The following TENM2 variants were observed in gnomAD, a reference collection of about 807,000 sequenced individuals.
TENM2 encodes teneurin transmembrane protein 2, also known as teneurin-2.
TENM2 carries 52 observed loss-of-function variants against 245.2 expected under a neutral mutation model. That is an observed-to-expected ratio of 0.21 (90% CI 0.17 to 0.27). The LOEUF (loss-of-function observed/expected upper bound fraction) is 0.27, where lower values mean the gene tolerates loss of function less well. TENM2 is among the 10% of genes least tolerant of loss of function. The probability of loss-of-function intolerance (pLI) is 1.00; values close to 1 mark genes in which losing one functional copy is unlikely to be tolerated. For synonymous variants in TENM2, 1,363 were observed against 1,438.9 expected, an observed-to-expected ratio of 0.95 and a Z score of 1.19; for missense variants, 3,046 against 3,666.8, an observed-to-expected ratio of 0.83 and a Z score of 4.37.
At chr5:168,211,245 G>A (rs556692992) in intron 19 of TENM2, among the ~76,000 whole-genome samples, 2 of 152,302 alleles carry the variant, frequency 1.3e-5, no homozygotes, top group South Asian at 4.1e-4. Context: ...ACCCTGAAAT[G>A]CACCAATGGC....
chr5:168,139,876 G>T (rs759912161), intron 12 of TENM2, among the ~76,000 whole-genome samples: 3 of 152,184 alleles, frequency 2.0e-5, no homozygotes, highest in Non-Finnish European at 4.4e-5. Context: ...TTCAGTAGAG[G>T]CCAGATATTT....
the TENM2 span, among the ~76,000 whole-genome samples, chr5:167,143,204 C>A: frequency 2.0e-5 from 3 of 152,270 alleles, no homozygotes; most frequent in Admixed American, 6.5e-5. Context: ...TTACTGATGA[C>A]CACAATGAGG....
the TENM2 span, among the ~76,000 whole-genome samples, chr5:167,264,391 G>A: frequency 6.6e-6 from 1 of 152,270 alleles, no homozygotes; most frequent in African/African-American, 2.4e-5. Flanking sequence ...AAATCCTGAT[G>A]TGTTAGACAA....
chr5:167,631,008 T>C (rs1165665133), intron 2 of TENM2, among the ~76,000 whole-genome samples: 1 of 152,214 alleles, frequency 6.6e-6, no homozygotes, highest in African/African-American at 2.4e-5. Context: ...TTGTTATATA[T>C]ATCCATTCAT....
Position 167,782,111 on chromosome 5 carries a change from C to T in TENM2, c.503-93875C>T, listed in dbSNP as rs566290363. ...GGTGAATCACCTGAGGTTGGGAGTT[C>T]GAGACCAGCCTGACCAACATGGAGA... On this transcript the variant is annotated intron_variant, in intron 2 of 28. Transcript: ENST00000518659. Among the ~76,000 whole-genome samples the T allele has an allele frequency of 7.4e-4, 113 of 151,810 alleles. No individual in the cohort carries two copies. In the Middle Eastern group the frequency reaches 0.01, roughly 14 times the overall value.
At chr5:168,254,699 G>GGA (rs1767487212) in intron 27 of TENM2, among the ~76,000 whole-genome samples, 1 of 152,070 alleles carries the variant, frequency 6.6e-6, no homozygotes, top group African/African-American at 2.4e-5. Flanking sequence ...CCTGAGCTAG[G>GGA]GAGAGAGAGA....
chr5:167,849,271 T>C (rs1770340224), intron 2 of TENM2, among the ~76,000 whole-genome samples: 1 of 152,142 alleles, frequency 6.6e-6, no homozygotes, highest in Admixed American at 6.5e-5. Flanking sequence ...TATCTCAAGA[T>C]CTTTAACTTA....
the TENM2 span, among the ~76,000 whole-genome samples, chr5:167,191,451 C>A: frequency 2.6e-5 from 4 of 151,986 alleles, no homozygotes; most frequent in African/African-American, 9.7e-5. Context: ...GCAGATTTCT[C>A]AGGGAGCCGC....
At chr5:167,344,307 C>CATATAT (rs1206561623) in intron 1 of TENM2, among the ~76,000 whole-genome samples, 716 of 63,304 alleles carry the variant, frequency 0.011, 3 homozygotes, top group East Asian at 0.017. Context: ...CACACACACA[C>CATATAT]ACATATATAT....
At chr5:167,905,053 A>G (rs1489220876) in intron 3 of TENM2, among the ~76,000 whole-genome samples, 4 of 152,360 alleles carry the variant, frequency 2.6e-5, no homozygotes, top group Admixed American at 6.5e-5. Flanking sequence ...AGCATTTCAT[A>G]AAACACATGA....
rs564156574 is a variant in TENM2, at chr5:167,538,767, G to C, written c.502+163294G>C. 3.1e-4 allele frequency among the ~76,000 whole-genome samples: 47 copies of C among 152,290 alleles called. No homozygotes were observed. In the South Asian group the frequency reaches 9.3e-3, roughly 30 times the overall value. On this transcript the variant is annotated intron_variant, in intron 2 of 28. Coordinates refer to ENST00000518659, the Ensembl canonical transcript of TENM2. ...TGAAAAACAGAACTTTCTGTGAGTA[G>C]GTAGAATAAGCTGTCTGTCATTTGC...
intron 5 of TENM2, among the ~76,000 whole-genome samples, chr5:168,012,773 T>C (rs1581054314): frequency 3.5e-5 from 1 of 28,418 alleles, no homozygotes; most frequent in Admixed American, 5.9e-4. Flanking sequence ...CAAGAACAAC[T>C]GAAAAAAAAA....
chr5:167,142,644 G>A, the TENM2 span, among the ~76,000 whole-genome samples: 6 of 152,044 alleles, frequency 3.9e-5, no homozygotes, highest in South Asian at 2.1e-4. Context: ...TCCTCCACTC[G>A]GGTTCAAGTG....
chr5:167,173,899 C>T, the TENM2 span, among the ~76,000 whole-genome samples: 1 of 151,984 alleles, frequency 6.6e-6, no homozygotes, highest in Admixed American at 6.6e-5. Context: ...GAATGTTAAC[C>T]ACTTTTTTGC....
chr5:167,106,724 A>G, the TENM2 span, among the ~76,000 whole-genome samples: 1 of 151,962 alleles, frequency 6.6e-6, no homozygotes, highest in Non-Finnish European at 1.5e-5. Flanking sequence ...GATGGCAGTG[A>G]AAGCCTGAGC....
At chr5:167,744,452 C>T (rs1761416752) in intron 2 of TENM2, among the ~76,000 whole-genome samples, 1 of 152,142 alleles carries the variant, frequency 6.6e-6, no homozygotes, top group African/African-American at 2.4e-5. Context: ...TTCAGAACTG[C>T]AGTGAGAGAG....
chr5:168,226,201 A>G, exon 24 of TENM2: 1 of 1,613,562 alleles, frequency 6.2e-7, no homozygotes, highest in Non-Finnish European at 8.5e-7. Context: ...TCCAACCGTG[A>G]TGATGACGTC....
chr5:167,194,474 A>G, the TENM2 span, among the ~76,000 whole-genome samples: 1 of 151,964 alleles, frequency 6.6e-6, no homozygotes, highest in Admixed American at 6.6e-5. Flanking sequence ...TATCTTTATT[A>G]CTGGAACTGT....
chr5:168,243,786 C>G (rs1766309028), intron 25 of TENM2, among the ~76,000 whole-genome samples: 1 of 152,162 alleles, frequency 6.6e-6, no homozygotes, highest in Non-Finnish European at 1.5e-5. Flanking sequence ...TTCCACGATC[C>G]TATGGCACCC....
Sources: allele counts gnomAD v4.1 joint callset (sites outside exome capture counted in the v4.1 genomes callset), GRCh38; gene constraint gnomAD v4.1.1; transcripts MANE v1.5; gene names NCBI Gene and HGNC (gene_info 2026-07-23, HGNC 2026-07-21).